RAP1GAP2: variants seen among roughly 807,000 people sequenced by gnomAD.
RAP1GAP2 encodes the protein RAP1 GTPase activating protein 2.
RAP1GAP2 carries 27 observed loss-of-function variants against 95.0 expected under a neutral mutation model. The observed-to-expected ratio is 0.28, with a 90% CI of 0.21 to 0.39. RAP1GAP2 has a LOEUF of 0.39. Among genes scored for constraint, RAP1GAP2 ranks in the 10% least tolerant of loss-of-function variants. The probability of loss-of-function intolerance (pLI) is 1.00; values close to 1 mark genes in which losing one functional copy is unlikely to be tolerated. For missense variants in RAP1GAP2, 771 were observed against 970.0 expected (o/e 0.79, Z 2.72); for synonymous variants, 373 against 380.9 (o/e 0.98, Z 0.24).
chr17:2,924,527 A>G (rs1356112274), intron 3 of RAP1GAP2, among the ~76,000 whole-genome samples: 2 of 151,560 alleles, frequency 1.3e-5, no homozygotes, highest in East Asian at 1.9e-4. Flanking sequence ...ATTTGGGAGA[A>G]AGGAAATCGG....
At chr17:2,814,964 C>G (rs1480903157) in intron 2 of RAP1GAP2, among the ~76,000 whole-genome samples, 1 of 152,120 alleles carries the variant, frequency 6.6e-6, no homozygotes, top group African/African-American at 2.4e-5. Flanking sequence ...TTGGGAGGGA[C>G]AGCCCCTGTC....
chr17:2,829,120 T>C (rs1021477037), intron 2 of RAP1GAP2, among the ~76,000 whole-genome samples: 2 of 151,636 alleles, frequency 1.3e-5, no homozygotes, highest in Non-Finnish European at 2.9e-5. Flanking sequence ...GTAGCTGGGA[T>C]TACAGGCACC....
rs570585514 is a variant in RAP1GAP2, at chr17:2,808,326, C to T, written c.80+7776C>T. On this transcript the variant is annotated intron_variant, in intron 2 of 24. Coordinates refer to ENST00000254695, the MANE Select transcript of RAP1GAP2 (RefSeq NM_015085.5). ...GGACTCTCAGAAGGCTTCCTGTGAG[C>T]GCTGGGTGGATGCTGGTCCCATTCA... Among the ~76,000 whole-genome samples the T allele has an allele frequency of 7.2e-5, 11 of 152,218 alleles. No homozygotes were observed. The East Asian group carries it at 1.2e-3, about 16-fold the overall frequency.
chr17:3,002,149 G>C (rs774753496), intron 14 of RAP1GAP2, among the ~76,000 whole-genome samples: 7 of 152,136 alleles, frequency 4.6e-5, no homozygotes, highest in Non-Finnish European at 2.9e-5. Flanking sequence ...TTTTGGTAGA[G>C]ACGGGGTTTC....
intron 2 of RAP1GAP2, among the ~76,000 whole-genome samples, chr17:2,900,307 C>T (rs1015661040): frequency 1.3e-5 from 2 of 152,126 alleles, no homozygotes; most frequent in African/African-American, 4.8e-5. Context: ...ATTTAAACGG[C>T]CTTGGACTCT....
chr17:2,882,502 G>C (rs1460103305), intron 2 of RAP1GAP2, among the ~76,000 whole-genome samples: 1 of 151,938 alleles, frequency 6.6e-6, no homozygotes. Context: ...ACGTTGGCCA[G>C]GCTGGTCTCC....
rs1407457718 is a variant in RAP1GAP2 at position 2,965,768 on chromosome 17, G to C, written c.596+125G>C. Reference sequence around the variant, plus strand: ...GTCTGGTCTGGGTGCACTGGCTGACGGGGACAGGCCTGCTGGAATCCTGGG... The same window carrying C: ...GTCTGGTCTGGGTGCACTGGCTGACCGGGACAGGCCTGCTGGAATCCTGGG... On this transcript the variant is annotated intron_variant, in intron 8 of 24. Transcript: ENST00000254695. The surrounding 1 kb of genome is among the most constrained non-coding windows in gnomAD (Gnocchi z 4.7). 8 of 723,636 alleles carry C rather than the reference G, an allele frequency of 1.1e-5. No homozygotes were observed. Among genetic ancestry groups the C allele is most frequent in the African/African-American group, 1.1e-4 (6 of 56,652 alleles). The allele number at this position is 723,636 out of a possible 1,614,324, so 44.8% of individuals were successfully genotyped here.
chr17:2,849,301 C>G (rs1419597639), intron 2 of RAP1GAP2, among the ~76,000 whole-genome samples: 1 of 152,184 alleles, frequency 6.6e-6, no homozygotes, highest in African/African-American at 2.4e-5. Flanking sequence ...AATCCCAGCC[C>G]AGAACGGTGG....
chr17:3,022,795 A>C (rs1009255453), intron 19 of RAP1GAP2, among the ~76,000 whole-genome samples: 1 of 152,194 alleles, frequency 6.6e-6, no homozygotes, highest in Non-Finnish European at 1.5e-5. Flanking sequence ...TCTCATCTAA[A>C]AAGTTTTTGC....
chr17:3,025,598 T>A (rs768167817), intron 19 of RAP1GAP2, among the ~76,000 whole-genome samples: 9 of 152,118 alleles, frequency 5.9e-5, no homozygotes, highest in Non-Finnish European at 7.4e-5. Flanking sequence ...CAGGAGTCCA[T>A]GTGTATTGGG....
chr17:2,932,980 G>A (rs1051416451), intron 3 of RAP1GAP2, among the ~76,000 whole-genome samples: 4 of 152,166 alleles, frequency 2.6e-5, no homozygotes, highest in African/African-American at 9.7e-5. Flanking sequence ...GGGAGGAGGG[G>A]AATGGCACTG....
intron 13 of RAP1GAP2, 118 bp downstream of exon 13, chr17:2,995,584 C>A: frequency 7.3e-7 from 1 of 1,360,996 alleles, no homozygotes; most frequent in East Asian, 2.4e-5. Flanking sequence ...GCCGGCCATT[C>A]GTTCAGCTGC....
intron 3 of RAP1GAP2, among the ~76,000 whole-genome samples, chr17:2,913,942 C>A (rs1444150190): frequency 6.6e-6 from 1 of 151,948 alleles, no homozygotes; most frequent in Non-Finnish European, 1.5e-5. Context: ...GCAATCTCTG[C>A]TCACTGCAGC....
chr17:2,916,534 T>C (rs1322089348), intron 3 of RAP1GAP2, among the ~76,000 whole-genome samples: 2 of 152,228 alleles, frequency 1.3e-5, no homozygotes, highest in East Asian at 3.8e-4. Context: ...TGTGTGGGTC[T>C]GAAGCCTGTG....
intron 16 of RAP1GAP2, among the ~76,000 whole-genome samples, chr17:3,006,593 C>T (rs1037737798): frequency 6.6e-6 from 1 of 151,960 alleles, no homozygotes; most frequent in Non-Finnish European, 1.5e-5. Context: ...GCCACCACGC[C>T]CAGCTAATTT....
At chr17:2,910,094 T>C (rs2151741827) in intron 3 of RAP1GAP2, among the ~76,000 whole-genome samples, 1 of 152,300 alleles carries the variant, frequency 6.6e-6, no homozygotes, top group East Asian at 1.9e-4. Context: ...AGTGATGACA[T>C]TGATGAAATA....
intron 3 of RAP1GAP2, among the ~76,000 whole-genome samples, chr17:2,921,904 TG>T (rs2042794775): frequency 6.6e-6 from 1 of 152,214 alleles, no homozygotes; most frequent in South Asian, 2.1e-4. Flanking sequence ...CTCTTCTCCC[TG>T]GGGGTCTCTC....
intron 2 of RAP1GAP2, among the ~76,000 whole-genome samples, chr17:2,874,301 C>G (rs1343181056): frequency 6.6e-6 from 1 of 152,126 alleles, no homozygotes; most frequent in Non-Finnish European, 1.5e-5. Flanking sequence ...CTCTTGAAGA[C>G]TAAAAACACT....
intron 2 of RAP1GAP2, among the ~76,000 whole-genome samples, chr17:2,850,530 C>G (rs960651470): frequency 5.3e-5 from 8 of 150,262 alleles, no homozygotes; most frequent in Admixed American, 4.6e-4. Flanking sequence ...GGGCGGATCA[C>G]GAGGTCAGGA....
Sources: gnomAD v4.1 joint callset for allele counts (sites outside exome capture counted in the v4.1 genomes callset) on GRCh38, gnomAD v4.1.1 for gene constraint, Gnocchi (gnomAD v3.1) non-coding constraint, MANE v1.5 for transcripts, NCBI Gene and HGNC (gene_info 2026-07-23, HGNC 2026-07-21) for gene names.